Variants in ABCA9 observed in about 807,000 individuals in gnomAD.
ABCA9 encodes the protein ATP-binding cassette sub-family A member 9.
A neutral mutation model predicts 205.3 loss-of-function variants in ABCA9; 183 were observed. That is an observed-to-expected ratio of 0.89 (90% CI 0.79 to 1.01). The LOEUF (loss-of-function observed/expected upper bound fraction) is 1.01, where lower values mean the gene tolerates loss of function less well. Among genes scored for constraint, ABCA9 ranks in the 50% least tolerant of loss-of-function variants. The pLI, the probability that ABCA9 is intolerant of heterozygous loss-of-function variation, is 0.00. For missense variants in ABCA9, 1,805 were observed against 1,912.4 expected, an observed-to-expected ratio of 0.94 and a Z score of 1.05; for synonymous variants, 651 against 683.3, an observed-to-expected ratio of 0.95 and a Z score of 0.74.
At chr17:69,038,429 A>C (rs1180136532) in intron 6 of ABCA9, among the ~76,000 whole-genome samples, 1 of 152,166 alleles carries the variant, frequency 6.6e-6, no homozygotes, top group Non-Finnish European at 1.5e-5. Context: ...AAATCAATAA[A>C]TGTAATCCAT....
chr17:69,049,434 T>A lies in ABCA9; in HGVS notation c.153A>T (p.Leu51Phe), dbSNP rs375678071. The A allele has an allele frequency of 2.3e-5, 37 of 1,613,004 alleles. No individual in the cohort carries two copies. Among genetic ancestry groups the A allele is most frequent in the South Asian group, 9.9e-5 (9 of 91,050 alleles). Residue 51 changes from leucine (L) to phenylalanine (F), a missense_variant, in exon 3 of 39, where the codon TTA (leucine) becomes TTT (phenylalanine). Coordinates refer to ENST00000340001, the MANE Select transcript of ABCA9 (RefSeq NM_080283.4). ...TTTGAGGAGTGTCATGAACTTGATG[T>A]AAATTGGAGAAAAATAGGTACAGAA... ...VLFLYLFFSN[L>F]HQVHDTPQMS... is the part of the protein sequence containing the mutation.
At chr17:69,064,615 G>C (rs143746992), upstream of ABCA9, among the ~76,000 whole-genome samples, 2 of 152,136 alleles carry the variant, frequency 1.3e-5, no homozygotes, top group Non-Finnish European at 1.5e-5. Flanking sequence ...ATTTAGGTTT[G>C]GGGTGGAGGG....
At chr17:69,062,797 G>A (rs1315088545), upstream of ABCA9, among the ~76,000 whole-genome samples, 1 of 152,164 alleles carries the variant, frequency 6.6e-6, no homozygotes, top group Non-Finnish European at 1.5e-5. Context: ...ACAGGCAGAA[G>A]CCACTGCGCC....
At chr17:68,995,312 C>T (rs561056607) in intron 26 of ABCA9, among the ~76,000 whole-genome samples, 1 of 152,228 alleles carries the variant, frequency 6.6e-6, no homozygotes, top group Non-Finnish European at 1.5e-5. Context: ...TTCGCTGGCT[C>T]CTCCTCTTCA....
chr17:68,998,647 TATTA>T lies in ABCA9; in HGVS notation c.3436-2637_3436-2634del, dbSNP rs199554427. Reference sequence around the variant, plus strand: ...AACAATGGATTTGCTACATAAAAAATATTAATTATTCTTTTGTTGGATTGGTTTT... The same window carrying T: ...AACAATGGATTTGCTACATAAAAAATATTATTCTTTTGTTGGATTGGTTTT... On this transcript the variant is annotated intron_variant, in intron 25 of 38. Coordinates refer to ENST00000340001, the MANE Select transcript of ABCA9 (RefSeq NM_080283.4). Among the ~76,000 whole-genome samples, 994 of 152,196 alleles carry T rather than the reference TATTA, an allele frequency of 6.5e-3. 18 individuals are homozygous for T. Among genetic ancestry groups the T allele is most frequent in the African/African-American group, 0.023 (948 of 41,552 alleles).
rs764099833 is a variant in ABCA9, at chr17:69,027,761, A to G, written c.1670T>C (p.Ile557Thr). 21 of 1,612,770 alleles carry G rather than the reference A, an allele frequency of 1.3e-5. No individual in the cohort carries two copies. The highest frequency in any genetic ancestry group is 6.7e-5 in the Admixed American group (4 of 59,924). The change falls in exon 13 of 39, where the codon ATC becomes ACC. Residue 557 changes from isoleucine to threonine, a missense_variant. By Grantham distance (89) the Ile-to-Thr change is moderately conservative (BLOSUM62 -1). Transcript: ENST00000340001. ...TLSRMADIENISKFTGFCPQS... is the reference protein window; with the variant it reads ...TLSRMADIENTSKFTGFCPQS... ...TGGACAAAATCCAGTGAACTTGCTG[A>G]TATTTTCTATATCAGCCATTCTTGA...
intron 4 of ABCA9, 79 bp downstream of exon 4, chr17:69,045,093 C>A: frequency 8.4e-7 from 1 of 1,195,788 alleles, no homozygotes. Flanking sequence ...TGTGTAGTTT[C>A]ACCTCTGCTA....
the ABCA9 span, among the ~76,000 whole-genome samples, chr17:69,074,662 G>A: frequency 0.015 from 2,317 of 152,170 alleles, 44 homozygotes; most frequent in African/African-American, 0.052. Flanking sequence ...CCACTGACGG[G>A]CATCTCGGTT....
At chr17:69,013,429 T>G (rs999045673) in intron 22 of ABCA9, among the ~76,000 whole-genome samples, 1 of 152,044 alleles carries the variant, frequency 6.6e-6, no homozygotes, top group African/African-American at 2.4e-5. Flanking sequence ...GATGTGTTTG[T>G]GTAGATAAGG....
chr17:68,980,328 C>T (rs909219226), intron 37 of ABCA9, among the ~76,000 whole-genome samples: 4 of 152,142 alleles, frequency 2.6e-5, no homozygotes, highest in African/African-American at 9.7e-5. Flanking sequence ...TACTTTTACA[C>T]TGTTGGTGGG....
At chr17:69,020,686 T>A (rs2070782426) in intron 18 of ABCA9, 100 bp from the exon 19 acceptor site, 2 of 1,025,502 alleles carry the variant, frequency 2.0e-6, no homozygotes, top group Non-Finnish European at 2.9e-6. Flanking sequence ...AAAGTTACCC[T>A]CTTGGGCCAA....
At chr17:69,057,765 C>T (rs2072112011) in intron 1 of ABCA9, among the ~76,000 whole-genome samples, 1 of 152,010 alleles carries the variant, frequency 6.6e-6, no homozygotes. Context: ...CTTGTGGATT[C>T]GACCAACTGG....
the ABCA9 span, chr17:69,078,965 T>C: frequency 6.3e-7 from 1 of 1,584,346 alleles, no homozygotes; most frequent in East Asian, 2.2e-5. Flanking sequence ...ATTACTAGGT[T>C]TGAGGTTTTA....
At position 69,021,802 on chromosome 17, in the gene ABCA9, T is replaced by C; in HGVS notation, c.2341A>G (p.Ile781Val). The part of the protein sequence containing the change: ...NQGIEDYGVS[I>V]TTLNEVFLKL... ...AGAAACACCTCATTCAAAGTTGTTA[T>C]GGAAACACCATAATCCTCAATGCCT... The change falls in exon 18 of 39, where the codon ATA (isoleucine) becomes GTA (valine). Residue 781 changes from isoleucine (I) to valine (V), a missense_variant. Ile to Val is a conservative substitution (Grantham distance 29, BLOSUM62 3). Transcript: ENST00000340001. The C allele has an allele frequency of 6.3e-7, 1 of 1,598,202 alleles. No homozygotes were observed. Among genetic ancestry groups the C allele is most frequent in the South Asian group, 1.1e-5 (1 of 88,708 alleles).
chr17:69,051,159 A>T lies in ABCA9; in HGVS notation c.-13-20T>A, dbSNP rs749245724. ...TGTTTCCTTTAAAAAGACAGAAAAA[A>T]AATGAAGTACATGTGAAGGTCTAAA... On this transcript the variant is annotated intron_variant, in intron 1 of 38. Transcript: ENST00000340001. 6.2e-7 allele frequency: 1 copy of T among 1,609,146 alleles called. No individual in the cohort carries two copies. Among genetic ancestry groups the T allele is most frequent in the Non-Finnish European group, 8.5e-7 (1 of 1,176,998 alleles).
At chr17:69,059,124 G>C (rs1345107657) in intron 1 of ABCA9, among the ~76,000 whole-genome samples, 1 of 152,066 alleles carries the variant, frequency 6.6e-6, no homozygotes, top group Non-Finnish European at 1.5e-5. Context: ...TGACAGATAG[G>C]GATTATGGGG....
intron 22 of ABCA9, among the ~76,000 whole-genome samples, chr17:69,013,157 T>A (rs1235900838): frequency 6.6e-6 from 1 of 152,198 alleles, no homozygotes; most frequent in African/African-American, 2.4e-5. Context: ...TCTTGGCTAT[T>A]GTGAACAGTG....
At chr17:68,981,987 G>A (rs370006655) in intron 37 of ABCA9, among the ~76,000 whole-genome samples, 11 of 151,972 alleles carry the variant, frequency 7.2e-5, no homozygotes, top group African/African-American at 2.4e-4. Context: ...GAAAAACCAA[G>A]CCCCTGATAC....
chr17:69,003,150 T>G (rs1027159186), intron 25 of ABCA9, among the ~76,000 whole-genome samples: 33 of 151,780 alleles, frequency 2.2e-4, no homozygotes, highest in African/African-American at 7.5e-4. Context: ...GTGAATTTGG[T>G]CCTGTCATTA....
Sources: gnomAD v4.1 joint callset for allele counts (sites outside exome capture counted in the v4.1 genomes callset) on GRCh38, gnomAD v4.1.1 for gene constraint, MANE v1.5 for transcripts, NCBI Gene and HGNC (gene_info 2026-07-23, HGNC 2026-07-21) for gene names.